The following STPG2 variants were observed in gnomAD, a reference collection of about 807,000 sequenced individuals.
STPG2 encodes the protein sperm tail PG-rich repeat containing 2.
STPG2 carries 56 observed loss-of-function variants against 54.2 expected under a neutral mutation model. The observed-to-expected ratio is 1.03, with a 90% CI of 0.83 to 1.29. STPG2 has a LOEUF of 1.29. Among genes scored for constraint, STPG2 ranks in the 50% most tolerant of loss-of-function variants. The pLI is 0.00. For synonymous variants in STPG2, 200 were observed against 181.8 expected, an observed-to-expected ratio of 1.10 and a Z score of -0.81; for missense variants, 596 against 544.9, an observed-to-expected ratio of 1.09 and a Z score of -0.93.
At chr4:98,001,326 C>T (rs1201620103) in intron 5 of STPG2, among the ~76,000 whole-genome samples, 2 of 151,430 alleles carry the variant, frequency 1.3e-5, no homozygotes, top group Non-Finnish European at 2.9e-5. Context: ...CTATGTGGTA[C>T]ACTATCTAGT....
intron 5 of STPG2, among the ~76,000 whole-genome samples, chr4:98,029,147 T>C (rs922270159): frequency 2.6e-5 from 4 of 152,176 alleles, no homozygotes; most frequent in African/African-American, 9.7e-5. Flanking sequence ...GAAATATGCG[T>C]ATTATGCATA....
chr4:98,052,109 C>G (rs1052422154), intron 5 of STPG2, among the ~76,000 whole-genome samples: 1 of 146,912 alleles, frequency 6.8e-6, no homozygotes, highest in East Asian at 2.0e-4. Context: ...AAAAAAGAAA[C>G]AAATTCACAT....
At chr4:97,612,759 T>C (rs1733762736) in intron 10 of STPG2, among the ~76,000 whole-genome samples, 1 of 151,960 alleles carries the variant, frequency 6.6e-6, no homozygotes, top group Admixed American at 6.6e-5. Flanking sequence ...TAGTCAAGTG[T>C]AGATAGTGTA....
At chr4:97,846,755 G>C (rs1380001774) in intron 8 of STPG2, among the ~76,000 whole-genome samples, 1 of 152,006 alleles carries the variant, frequency 6.6e-6, no homozygotes, top group African/African-American at 2.4e-5. Flanking sequence ...AAAATATGCA[G>C]TAGGTCTAGG....
intron 10 of STPG2, among the ~76,000 whole-genome samples, chr4:97,677,142 CT>C (rs1306978549): frequency 6.6e-6 from 1 of 152,132 alleles, no homozygotes; most frequent in African/African-American, 2.4e-5. Context: ...AGCAATACTC[CT>C]AATGGACAGT....
chr4:97,795,451 G>GT (rs1298979229), intron 9 of STPG2, among the ~76,000 whole-genome samples: 2 of 152,090 alleles, frequency 1.3e-5, no homozygotes, highest in Non-Finnish European at 2.9e-5. Context: ...GCAGTGTTTG[G>GT]TTTTTTGTCC....
At chr4:98,122,103 A>G (rs955513009) in intron 3 of STPG2, among the ~76,000 whole-genome samples, 1 of 2,282 alleles carries the variant, frequency 4.4e-4, no homozygotes, top group Admixed American at 6.2e-3. Context: ...TTTTGGGCTG[A>G]GACAATTGGG....
intron 8 of STPG2, among the ~76,000 whole-genome samples, chr4:97,904,376 G>C (rs1016381017): frequency 6.6e-6 from 1 of 152,170 alleles, no homozygotes; most frequent in Non-Finnish European, 1.5e-5. Flanking sequence ...TACTCCAACA[G>C]ACCTGCAGCT....
chr4:97,627,999 A>T (rs892922996), intron 10 of STPG2, among the ~76,000 whole-genome samples: 2 of 152,152 alleles, frequency 1.3e-5, no homozygotes, highest in African/African-American at 4.8e-5. Context: ...AGACCCGCCC[A>T]CATTGGGGAG....
intron 5 of STPG2, among the ~76,000 whole-genome samples, chr4:98,069,958 C>T: frequency 6.6e-6 from 1 of 151,738 alleles, no homozygotes. Context: ...GTCAGAGGTA[C>T]AAAAAAGAGC....
chr4:98,082,115 A>G (rs555198453), intron 5 of STPG2, among the ~76,000 whole-genome samples: 1 of 152,140 alleles, frequency 6.6e-6, no homozygotes, highest in Non-Finnish European at 1.5e-5. Flanking sequence ...CTTGAACCCA[A>G]TGCAAACCCC....
chr4:97,532,295 G>A lies in STPG2; in HGVS notation c.462+180404C>T, dbSNP rs181443175. On this transcript the variant is annotated intron_variant, in intron 4 of 4. Transcript: ENST00000522676. ...CTTAAATTTTACTATATCTATATTT[G>A]CAGTTAAAATGTTCACACAACCTAT... Among the ~76,000 whole-genome samples, 10 of 151,856 alleles carry A rather than the reference G, an allele frequency of 6.6e-5. No homozygotes were observed. The East Asian group carries it at 1.9e-3, about 29-fold the overall frequency.
intron 10 of STPG2, among the ~76,000 whole-genome samples, chr4:97,639,437 A>G (rs572018441): frequency 1.1e-3 from 172 of 152,164 alleles, no homozygotes; most frequent in Non-Finnish European, 2.0e-3. Flanking sequence ...TGGCACATGT[A>G]TACGTATGTA....
intron 10 of STPG2, among the ~76,000 whole-genome samples, chr4:97,679,982 T>C (rs1472523379): frequency 1.4e-4 from 22 of 152,058 alleles, no homozygotes; most frequent in African/African-American, 4.8e-4. Flanking sequence ...TTCCATTGAT[T>C]TATATCTCTG....
At chr4:97,651,926 GA>G (rs1722080559) in intron 10 of STPG2, among the ~76,000 whole-genome samples, 1 of 151,800 alleles carries the variant, frequency 6.6e-6, no homozygotes, top group Admixed American at 6.6e-5. Flanking sequence ...TAAATTCATG[GA>G]AAATTATTCT....
At chr4:97,632,528 T>G (rs1309836363) in intron 10 of STPG2, among the ~76,000 whole-genome samples, 1 of 152,142 alleles carries the variant, frequency 6.6e-6, no homozygotes, top group Non-Finnish European at 1.5e-5. Context: ...TACCTTTTTT[T>G]ATAATCCTGA....
At chr4:98,128,327 T>G in intron 3 of STPG2, 101 bp downstream of exon 3, 1 of 1,118,330 alleles carries the variant, frequency 8.9e-7, no homozygotes, top group Non-Finnish European at 1.2e-6. Context: ...CTAAAACGTG[T>G]AATCATTTTT....
intron 8 of STPG2, among the ~76,000 whole-genome samples, chr4:97,859,906 G>A (rs1729462664): frequency 6.6e-6 from 1 of 152,154 alleles, no homozygotes; most frequent in Non-Finnish European, 1.5e-5. Flanking sequence ...TTTGTATAAG[G>A]TAAGAGATGA....
chr4:98,023,355 C>T (rs887690301), intron 5 of STPG2, among the ~76,000 whole-genome samples: 6 of 152,044 alleles, frequency 3.9e-5, no homozygotes, highest in African/African-American at 7.2e-5. Context: ...AGCGGATTTT[C>T]GTGAACCGCA....
Sources: allele counts gnomAD v4.1 joint callset (sites outside exome capture counted in the v4.1 genomes callset), GRCh38; gene constraint gnomAD v4.1.1; transcripts MANE v1.5; gene names NCBI Gene and HGNC (gene_info 2026-07-23, HGNC 2026-07-21).